SLC12A2: variants seen among roughly 807,000 people sequenced by gnomAD.
SLC12A2 encodes Na-K-2Cl cotransporter 1.
Under a neutral mutation model 136.3 loss-of-function variants are expected in SLC12A2, and 67 were observed. The ratio of observed to expected loss-of-function variants is 0.49; its 90% CI spans 0.40 to 0.60. SLC12A2 has a LOEUF of 0.60. SLC12A2 is among the 20% of genes least tolerant of loss of function. SLC12A2 has a pLI of 0.00. For synonymous variants in SLC12A2, 619 were observed against 562.9 expected (o/e 1.10, Z -1.41); for missense variants, 1,322 against 1,534.7 (o/e 0.86, Z 2.32).
chr5:128,093,010 T>C (rs1418100587), intron 1 of SLC12A2, among the ~76,000 whole-genome samples: 1 of 152,176 alleles, frequency 6.6e-6, no homozygotes, highest in Non-Finnish European at 1.5e-5. Context: ...TTGTTTATAA[T>C]TGCCGTCTTT....
In SLC12A2 at chr5:128,111,639, C is replaced by T. The variant is rs1169729147; in HGVS notation, c.757-1175C>T. 2.0e-5 allele frequency among the ~76,000 whole-genome samples: 3 copies of T among 151,820 alleles called. No homozygotes were observed. The East Asian group carries it at 5.8e-4, about 29-fold the overall frequency. On this transcript the variant is annotated intron_variant, in intron 1 of 26. Coordinates refer to ENST00000262461, the MANE Select transcript of SLC12A2 (RefSeq NM_001046.3). Reference sequence around the variant, plus strand: ...AATTAGCCGGGCTTGGTGGTGGGCGCCTGTAGTCCCAGCTACTCGGGAGGC... The same window carrying T: ...AATTAGCCGGGCTTGGTGGTGGGCGTCTGTAGTCCCAGCTACTCGGGAGGC...
At chr5:128,108,696 G>A (rs766493636) in intron 1 of SLC12A2, among the ~76,000 whole-genome samples, 6 of 152,216 alleles carry the variant, frequency 3.9e-5, no homozygotes, top group Non-Finnish European at 7.3e-5. Context: ...ACAGTTGATT[G>A]TAGTGATGCT....
At chr5:128,109,697 G>A in intron 1 of SLC12A2, 3 of 1,152,226 alleles carry the variant, frequency 2.6e-6, no homozygotes, top group Non-Finnish European at 3.9e-6. Context: ...AGTCTTCCAG[G>A]TGAAAGTCCC....
intron 4 of SLC12A2, among the ~76,000 whole-genome samples, chr5:128,118,146 G>A (rs1439648917): frequency 2.0e-5 from 3 of 152,308 alleles, no homozygotes; most frequent in African/African-American, 7.2e-5. Context: ...TAACCACTAT[G>A]TAAAATAGTA....
At position 128,167,859 on chromosome 5, in the gene SLC12A2, C is replaced by A; in HGVS notation, c.2715C>A (p.Asn905Lys). The A allele has an allele frequency of 6.6e-7, 1 of 1,521,944 alleles. No individual in the cohort carries two copies. Among genetic ancestry groups the A allele is most frequent in the Non-Finnish European group, 9.0e-7 (1 of 1,116,138 alleles). 94.3% of individuals were successfully genotyped at this position (1,521,944 alleles called of 1,614,324 possible). A position where few individuals can be genotyped will look rare whatever the true frequency, so the allele number is the denominator to read the frequency against. The change falls in exon 18 of 27, where the codon AAC becomes AAA. Residue 905 changes from asparagine to lysine, a missense_variant. Around this residue, in one of 8 missense-constraint regions of SLC12A2, gnomAD observed 226 missense variants for 210.4 expected, o/e 1.07. Coordinates refer to ENST00000262461, the MANE Select transcript of SLC12A2 (RefSeq NM_001046.3). The part of the protein sequence containing the change: ...ADMRDVDMYI[N>K]LFHDAFDIQY... ...TGAGGGATGTGGATATGTATATAAA[C>A]TTATTTCAGTAAGTATCTTTTTAAT...
At position 128,141,950 on chromosome 5, in the gene SLC12A2, C is replaced by T. The variant is rs777335339; in HGVS notation, c.1742C>T (p.Pro581Leu). 3 of 1,613,898 alleles carry T rather than the reference C, an allele frequency of 1.9e-6. No homozygotes were observed. The highest frequency in any genetic ancestry group is 1.7e-6 in the Non-Finnish European group (2 of 1,179,912). Residue 581 changes from proline to leucine, a missense_variant, in exon 10 of 27, where the codon CCT (proline) becomes CTT (leucine). Around this residue, in one of 8 missense-constraint regions of SLC12A2, gnomAD observed 294 missense variants for 436.6 expected, o/e 0.67. Coordinates refer to ENST00000262461, the MANE Select transcript of SLC12A2 (RefSeq NM_001046.3). The stretch of plus-strand genomic sequence containing the variant: ...GATTTTTCATCTTGTGAAAGCAGTC[C>T]TTGTTCCTATGGCCTAATGAACAAC... ...NFDFSSCESS[P>L]CSYGLMNNFQ...
chr5:128,143,683 A>T (rs1383848607), intron 10 of SLC12A2, among the ~76,000 whole-genome samples: 1 of 151,526 alleles, frequency 6.6e-6, no homozygotes, highest in Non-Finnish European at 1.5e-5. Flanking sequence ...AGGAGATTAA[A>T]TCAAAATATT....
chr5:128,183,044 T>C (rs1205200803), intron 24 of SLC12A2, 103 bp downstream of exon 24: 1 of 637,358 alleles, frequency 1.6e-6, no homozygotes, highest in African/African-American at 1.8e-5. Context: ...GTTAGTTACA[T>C]GTGAAGTCAA....
intron 16 of SLC12A2, among the ~76,000 whole-genome samples, chr5:128,159,555 C>T (rs1476058831): frequency 1.3e-5 from 2 of 152,038 alleles, no homozygotes; most frequent in South Asian, 2.1e-4. Flanking sequence ...AACAAATTTA[C>T]AAGAAAAAAA....
chr5:128,128,573 A>G (rs1036839388), intron 4 of SLC12A2, among the ~76,000 whole-genome samples: 1 of 152,116 alleles, frequency 6.6e-6, no homozygotes, highest in Admixed American at 6.5e-5. Flanking sequence ...TTGGTAAGCA[A>G]TTAAGTCAAG....
chr5:128,118,054 AAAT>A (rs1341688749), intron 4 of SLC12A2, among the ~76,000 whole-genome samples: 2 of 152,170 alleles, frequency 1.3e-5, no homozygotes, highest in Non-Finnish European at 2.9e-5. Flanking sequence ...TAATTAAAAA[AAAT>A]AATAAAAATA....
chr5:128,180,739 C>T, intron 22 of SLC12A2, 144 bp from the exon 23 acceptor site: 1 of 598,844 alleles, frequency 1.7e-6, no homozygotes, highest in Non-Finnish European at 3.0e-6. Context: ...CTGCTAATGG[C>T]TTTTTGACTG....
chr5:128,083,783 C>A lies in SLC12A2; in HGVS notation c.-172C>A. Reference sequence around the variant, plus strand: ...CGCCCGCCACACTCGCGCGCTCGCTCGGCTGCCGGTGGCCTCTGTGGCCGT... The same window carrying A: ...CGCCCGCCACACTCGCGCGCTCGCTAGGCTGCCGGTGGCCTCTGTGGCCGT... On this transcript the variant is annotated 5_prime_UTR_variant, in exon 1 of 27. Coordinates refer to ENST00000262461, the MANE Select transcript of SLC12A2 (RefSeq NM_001046.3). 2.4e-6 allele frequency: 1 copy of A among 425,006 alleles called. No homozygotes were observed. The highest frequency in any genetic ancestry group is 1.2e-4 in the South Asian group (1 of 8,270). 26.3% of individuals were successfully genotyped at this position (425,006 alleles called of 1,614,324 possible). A position where few individuals can be genotyped will look rare whatever the true frequency, so the allele number is the denominator to read the frequency against.
At chr5:128,164,847 G>GTTT (rs35076550) in intron 17 of SLC12A2, among the ~76,000 whole-genome samples, 5 of 123,558 alleles carry the variant, frequency 4.0e-5, no homozygotes, top group East Asian at 2.3e-4. Context: ...AAACTGTTTT[G>GTTT]TTTTTTTTTT....
chr5:128,138,019 T>G (rs1581101971), intron 7 of SLC12A2, among the ~76,000 whole-genome samples: 1 of 150,150 alleles, frequency 6.7e-6, no homozygotes, highest in Middle Eastern at 3.4e-3. Flanking sequence ...GTCACTGGAG[T>G]GTCGACTGTC....
chr5:128,173,405 C>A (rs1259744460), intron 19 of SLC12A2, among the ~76,000 whole-genome samples: 2 of 152,094 alleles, frequency 1.3e-5, no homozygotes, highest in Admixed American at 1.3e-4. Context: ...TTATATAGTT[C>A]TATCATTTAC....
At chr5:128,115,064 G>A (rs887191636) in intron 4 of SLC12A2, among the ~76,000 whole-genome samples, 1 of 152,158 alleles carries the variant, frequency 6.6e-6, no homozygotes, top group African/African-American at 2.4e-5. Flanking sequence ...GAGGAAAACT[G>A]AGGCAGTATA....
At chr5:128,164,276 C>A (rs2126737353) in intron 17 of SLC12A2, among the ~76,000 whole-genome samples, 1 of 152,256 alleles carries the variant, frequency 6.6e-6, no homozygotes, top group East Asian at 1.9e-4. Flanking sequence ...TCTAGAAAGT[C>A]TCTGTGGTGT....
At chr5:128,126,484 A>G (rs1386483183) in intron 4 of SLC12A2, among the ~76,000 whole-genome samples, 1 of 152,170 alleles carries the variant, frequency 6.6e-6, no homozygotes, top group African/African-American at 2.4e-5. Flanking sequence ...GTTCCTCAGA[A>G]AACTAAAAAT....
Sources: gnomAD v4.1 joint callset for allele counts (sites outside exome capture counted in the v4.1 genomes callset) on GRCh38, gnomAD v4.1.1 for gene constraint, gnomAD v4.1.1 regional missense constraint, MANE v1.5 for transcripts, NCBI Gene and HGNC (gene_info 2026-07-23, HGNC 2026-07-21) for gene names.